Variants in GABRB1 observed in about 807,000 individuals in gnomAD.
The protein encoded by GABRB1 is gamma-aminobutyric acid type A receptor subunit beta1, also known as gamma-aminobutyric acid receptor subunit beta-1.
GABRB1 carries 17 observed loss-of-function variants against 51.6 expected under a neutral mutation model. The observed-to-expected ratio is 0.33, with a 90% CI of 0.23 to 0.49. GABRB1 has a LOEUF of 0.49. Ranked by LOEUF, GABRB1 falls within the 20% of genes least tolerant of loss-of-function variation. GABRB1 has a pLI of 0.99. For missense variants in GABRB1, 410 were observed against 600.6 expected (o/e 0.68, Z 3.32); for synonymous variants, 247 against 218.9 (o/e 1.13, Z -1.14).
rs563300223 is a variant in GABRB1 at position 47,003,239 on chromosome 4, A to G, written c.-20+9313A>G. Among the ~76,000 whole-genome samples, 1,156 of 152,288 alleles carry G rather than the reference A, an allele frequency of 7.6e-3. 64 individuals carry two copies. The highest frequency in any genetic ancestry group is 0.068 in the Admixed American group (1,045 of 15,286). Reference sequence around the variant, plus strand: ...AAACACTTACATATCTTTAAAATTTAGATTAAGTGCAGCTCACTTGTGAAA... The same window carrying G: ...AAACACTTACATATCTTTAAAATTTGGATTAAGTGCAGCTCACTTGTGAAA... On this transcript the variant is annotated intron_variant, in intron 1 of 3. Coordinates refer to the GABRB1 transcript ENST00000513567.
At chr4:47,127,783 A>G (rs1018581748) in intron 3 of GABRB1, among the ~76,000 whole-genome samples, 2 of 151,876 alleles carry the variant, frequency 1.3e-5, no homozygotes, top group Non-Finnish European at 2.9e-5. Context: ...ATAAAATAAG[A>G]CTTAAAGTAA....
intron 4 of GABRB1, among the ~76,000 whole-genome samples, chr4:47,290,661 T>C (rs141066428): frequency 3.3e-4 from 50 of 152,024 alleles, no homozygotes; most frequent in African/African-American, 1.1e-3. Flanking sequence ...ACTGAGGTGA[T>C]GTCAGAAGGA....
At chr4:47,167,386 A>T (rs1718233445) in intron 4 of GABRB1, among the ~76,000 whole-genome samples, 1 of 152,024 alleles carries the variant, frequency 6.6e-6, no homozygotes, top group Non-Finnish European at 1.5e-5. Flanking sequence ...GAAGACATTT[A>T]GTGGAGCATT....
intron 8 of GABRB1, among the ~76,000 whole-genome samples, chr4:47,424,611 A>G (rs1178293489): frequency 6.6e-6 from 1 of 152,136 alleles, no homozygotes; most frequent in Admixed American, 6.6e-5. Context: ...TCTCATTCAA[A>G]AGCATTTATA....
At chr4:47,103,393 A>G (rs1336868047) in intron 3 of GABRB1, among the ~76,000 whole-genome samples, 1 of 152,034 alleles carries the variant, frequency 6.6e-6, no homozygotes, top group Non-Finnish European at 1.5e-5. Flanking sequence ...TTGATAAACT[A>G]TAAAGTAAAT....
intron 4 of GABRB1, among the ~76,000 whole-genome samples, chr4:47,288,073 T>C (rs574961903): frequency 2.0e-5 from 3 of 152,170 alleles, no homozygotes; most frequent in African/African-American, 7.2e-5. Flanking sequence ...AAATAACGCA[T>C]TTGTTGTTTT....
intron 3 of GABRB1, among the ~76,000 whole-genome samples, chr4:47,048,553 G>A (rs906867754): frequency 1.3e-5 from 2 of 152,058 alleles, no homozygotes; most frequent in Non-Finnish European, 2.9e-5. Flanking sequence ...CTGTACTTTT[G>A]TATTTAGACC....
At chr4:47,320,658 A>C (rs3822112) in intron 5 of GABRB1, among the ~76,000 whole-genome samples, 93,558 of 151,958 alleles carry the variant, frequency 0.62, 28,887 homozygotes, top group East Asian at 0.7. Flanking sequence ...GATAAATTGC[A>C]CTCATGGGGC....
chr4:47,342,807 G>A (rs1191353094), intron 5 of GABRB1, among the ~76,000 whole-genome samples: 1 of 151,948 alleles, frequency 6.6e-6, no homozygotes, highest in Non-Finnish European at 1.5e-5. Flanking sequence ...GTCACTAAGG[G>A]GTCCAACAAC....
chr4:47,039,801 A>C (rs1725750997), intron 3 of GABRB1, among the ~76,000 whole-genome samples: 1 of 152,244 alleles, frequency 6.6e-6, no homozygotes, highest in South Asian at 2.1e-4. Context: ...AACTACAGAT[A>C]ATTCCTATTG....
At chr4:47,249,734 C>A (rs11735020) in intron 4 of GABRB1, among the ~76,000 whole-genome samples, 2,866 of 152,172 alleles carry the variant, frequency 0.019, 37 homozygotes, top group Non-Finnish European at 0.031. Context: ...TTGTCTGATA[C>A]AAGAATAGCT....
intron 5 of GABRB1, among the ~76,000 whole-genome samples, chr4:47,398,519 A>G (rs952167967): frequency 6.6e-6 from 1 of 152,236 alleles, no homozygotes; most frequent in African/African-American, 2.4e-5. Context: ...CAGGAAAGAT[A>G]TATCTTCCCA....
intron 5 of GABRB1, among the ~76,000 whole-genome samples, chr4:47,386,771 T>G (rs1727808211): frequency 6.6e-6 from 1 of 152,152 alleles, no homozygotes. Flanking sequence ...GCTGATGAAA[T>G]TGAAGCATTC....
chr4:47,023,090 C>A (rs1239112526), intron 1 of GABRB1, among the ~76,000 whole-genome samples: 1 of 152,154 alleles, frequency 6.6e-6, no homozygotes, highest in Admixed American at 6.6e-5. Context: ...ACAAACATCA[C>A]ATGTTCTCAC....
In GABRB1 at chr4:47,011,074, G is replaced by A. The variant is rs117496075; in HGVS notation, c.-20+17148G>A. ...TTGGTGTGAATAAGTTTTAGTCAAA[G>A]TGAAAGTGAAAGCATTAGACTAGTT... On this transcript the variant is annotated intron_variant, in intron 1 of 3. Coordinates refer to the GABRB1 transcript ENST00000513567. Among the ~76,000 whole-genome samples the A allele has an allele frequency of 9.7e-4, 148 of 152,230 alleles. No homozygotes were observed. The East Asian group carries it at 0.017, about 18-fold the overall frequency.
chr4:47,209,548 T>C (rs1720268114), intron 4 of GABRB1, among the ~76,000 whole-genome samples: 1 of 152,124 alleles, frequency 6.6e-6, no homozygotes, highest in African/African-American at 2.4e-5. Context: ...AACACTCTCT[T>C]GGTGTTCATT....
chr4:47,001,233 C>T (rs1724171305), intron 1 of GABRB1, among the ~76,000 whole-genome samples: 1 of 152,134 alleles, frequency 6.6e-6, no homozygotes, highest in South Asian at 2.1e-4. Flanking sequence ...AGCTCCGCCT[C>T]CCGGGTTCAC....
chr4:47,267,108 G>T (rs1290257119), intron 4 of GABRB1, among the ~76,000 whole-genome samples: 1 of 152,098 alleles, frequency 6.6e-6, no homozygotes, highest in Non-Finnish European at 1.5e-5. Context: ...AACAGTGAGT[G>T]TTAGCAATTT....
At chr4:46,996,841 G>C (rs774266215) in intron 1 of GABRB1, among the ~76,000 whole-genome samples, 10 of 152,028 alleles carry the variant, frequency 6.6e-5, no homozygotes, top group Non-Finnish European at 1.3e-4. Flanking sequence ...TAATCTGAAA[G>C]GATTCAACCT....
Sources: allele counts gnomAD v4.1 joint callset (sites outside exome capture counted in the v4.1 genomes callset), GRCh38; gene constraint gnomAD v4.1.1; transcripts MANE v1.5; gene names NCBI Gene and HGNC (gene_info 2026-07-23, HGNC 2026-07-21).